OVCH1: variants seen among roughly 807,000 people sequenced by gnomAD.
OVCH1 encodes the protein ovochymase 1.
OVCH1 carries 139 observed loss-of-function variants against 138.4 expected under a neutral mutation model. The observed-to-expected ratio is 1.00, with a 90% CI of 0.87 to 1.16. The LOEUF is 1.16. OVCH1 is among the 50% of genes most tolerant of loss of function. The probability of loss-of-function intolerance (pLI) is 0.00; values close to 1 mark genes in which losing one functional copy is unlikely to be tolerated. For missense variants in OVCH1, 1,367 were observed against 1,357.9 expected, an observed-to-expected ratio of 1.01 and a Z score of -0.11; for synonymous variants, 453 against 467.8, an observed-to-expected ratio of 0.97 and a Z score of 0.41.
chr12:29,455,091 C>T (rs1263872921), intron 20 of OVCH1, among the ~76,000 whole-genome samples, 158 bp from the exon 21 acceptor site: 1 of 152,168 alleles, frequency 6.6e-6, no homozygotes, highest in Non-Finnish European at 1.5e-5. Context: ...CATGGGAGAA[C>T]TTATTTTGCA....
At chr12:29,480,871 A>T (rs1161362120) in intron 8 of OVCH1, among the ~76,000 whole-genome samples, 1 of 152,216 alleles carries the variant, frequency 6.6e-6, no homozygotes, top group Non-Finnish European at 1.5e-5. Flanking sequence ...ATGCTGAAGA[A>T]GTCACTGACT....
intron 25 of OVCH1, chr12:29,440,648 T>G (rs1258304308): frequency 2.2e-5 from 10 of 448,596 alleles, no homozygotes; most frequent in Middle Eastern, 6.6e-4. Context: ...TATACATCAT[T>G]TTCATAGATA....
chr12:29,453,145 T>C (rs1299122772), intron 21 of OVCH1, among the ~76,000 whole-genome samples: 1 of 152,166 alleles, frequency 6.6e-6, no homozygotes, highest in Non-Finnish European at 1.5e-5. Flanking sequence ...TTCATTCATT[T>C]AACTCAGTCC....
At chr12:29,490,123 G>A (rs1326506254) in intron 5 of OVCH1, among the ~76,000 whole-genome samples, 2 of 152,114 alleles carry the variant, frequency 1.3e-5, no homozygotes, top group East Asian at 3.9e-4. Context: ...GAGTGCAATG[G>A]TACAATCAAG....
chr12:29,427,801 A>G (rs1415197214), intron 27 of OVCH1, among the ~76,000 whole-genome samples: 1 of 152,210 alleles, frequency 6.6e-6, no homozygotes, highest in African/African-American at 2.4e-5. Context: ...CAGAAATTGC[A>G]TGGTTCATTG....
the OVCH1 span, among the ~76,000 whole-genome samples, chr12:29,404,719 A>G: frequency 6.6e-6 from 1 of 152,164 alleles, no homozygotes; most frequent in Non-Finnish European, 1.5e-5. Context: ...TCAGCTATGC[A>G]GCTGAATCAT....
intron 16 of OVCH1, among the ~76,000 whole-genome samples, chr12:29,469,125 T>A (rs915704857): frequency 2.6e-5 from 4 of 152,138 alleles, no homozygotes; most frequent in African/African-American, 9.7e-5. Context: ...TACTGACTTG[T>A]TTCCCAAAAG....
exon 6 of OVCH1, chr12:29,489,737 T>C: frequency 8.7e-6 from 14 of 1,611,062 alleles, no homozygotes; most frequent in Non-Finnish European, 1.2e-5. Context: ...TGATGGGAAG[T>C]TCCATTTCTT....
intron 3 of OVCH1, among the ~76,000 whole-genome samples, chr12:29,414,894 A>G (rs1279603030): frequency 1.3e-5 from 2 of 152,296 alleles, no homozygotes; most frequent in East Asian, 1.9e-4. Context: ...AGCAATGCTG[A>G]CAATCATAAA....
chr12:29,414,082 C>A, intron 3 of OVCH1, among the ~76,000 whole-genome samples: 1 of 145,714 alleles, frequency 6.9e-6, no homozygotes, highest in Non-Finnish European at 1.5e-5. Context: ...TGTAGTGGCA[C>A]AATCTCGGCT....
At chr12:29,405,016 C>T in the OVCH1 span, among the ~76,000 whole-genome samples, 1 of 88,930 alleles carries the variant, frequency 1.1e-5, no homozygotes, top group African/African-American at 5.5e-5. Context: ...TGCAACACTC[C>T]ACCTCAAAAA....
intron 3 of OVCH1, among the ~76,000 whole-genome samples, chr12:29,417,460 CAAAAAAAA>C (rs759067203): frequency 1.6e-5 from 1 of 60,742 alleles, no homozygotes; most frequent in Non-Finnish European, 2.8e-5. Context: ...CACTCCGTCT[CAAAAAAAA>C]AAAAAAAAAA....
At chr12:29,479,659 C>G (rs755957576) in intron 8 of OVCH1, among the ~76,000 whole-genome samples, 2 of 152,154 alleles carry the variant, frequency 1.3e-5, no homozygotes, top group Admixed American at 6.6e-5. Context: ...TTAACTCTTT[C>G]CAAAATTCAG....
At chr12:29,479,612 T>G (rs1565604070) in intron 8 of OVCH1, among the ~76,000 whole-genome samples, 1 of 152,192 alleles carries the variant, frequency 6.6e-6, no homozygotes, top group Non-Finnish European at 1.5e-5. Context: ...TTCACCTGAA[T>G]GCAAAGCAAT....
At chr12:29,495,187 T>G in intron 4 of OVCH1, 98 bp downstream of exon 4, 5 of 1,167,988 alleles carry the variant, frequency 4.3e-6, no homozygotes, top group Non-Finnish European at 6.0e-6. Flanking sequence ...GCTTAGCTAT[T>G]CTATTACTAG....
intron 21 of OVCH1, among the ~76,000 whole-genome samples, chr12:29,453,440 T>C (rs1384097536): frequency 6.6e-6 from 1 of 152,130 alleles, no homozygotes; most frequent in African/African-American, 2.4e-5. Context: ...AGTGATCTTG[T>C]ATTCCACCTG....
chr12:29,496,024 C>G (rs1943405335), intron 3 of OVCH1, among the ~76,000 whole-genome samples, 157 bp downstream of exon 3: 1 of 152,166 alleles, frequency 6.6e-6, no homozygotes, highest in Non-Finnish European at 1.5e-5. Flanking sequence ...TTGGGACAGA[C>G]ACACATTTCT....
rs774884487 is a variant in OVCH1 at position 29,496,689 on chromosome 12, A to G, written c.65-15T>C. ...ACACTTCAGTCCTGTGTAGAAGAGC[A>G]TGTGTGTGTGCACACACAGAGCCTT... is the stretch of plus-strand genomic sequence containing the variant. On this transcript the variant is annotated splice_polypyrimidine_tract_variant and intron_variant, in intron 1 of 27. Coordinates refer to ENST00000318184, the Ensembl canonical transcript of OVCH1. The G allele has an allele frequency of 7.6e-6, 12 of 1,568,746 alleles. No homozygotes were observed. The African/African-American group carries it at 1.1e-4, about 14-fold the overall frequency.
chr12:29,414,986 A>G (rs1053883099), intron 3 of OVCH1, among the ~76,000 whole-genome samples: 3 of 152,216 alleles, frequency 2.0e-5, no homozygotes, highest in Non-Finnish European at 2.9e-5. Flanking sequence ...CAGGAAATAC[A>G]TGAAAGAAGT....
Sources: allele counts gnomAD v4.1 joint callset (sites outside exome capture counted in the v4.1 genomes callset), GRCh38; gene constraint gnomAD v4.1.1; transcripts MANE v1.5; gene names NCBI Gene and HGNC (gene_info 2026-07-23, HGNC 2026-07-21).